The following EPS8L3 variants were observed in gnomAD, a reference collection of about 807,000 sequenced individuals.
EPS8L3 encodes the protein epidermal growth factor receptor kinase substrate 8-like protein 3.
In EPS8L3, 80 loss-of-function variants were observed where a neutral mutation model predicts 88.5. The observed-to-expected ratio is 0.90, with a 90% CI of 0.75 to 1.09. EPS8L3 has a LOEUF of 1.09. EPS8L3 is among the 50% of genes least tolerant of loss of function. EPS8L3 has a pLI of 0.00. For synonymous variants in EPS8L3, 286 were observed against 291.0 expected, an observed-to-expected ratio of 0.98 and a Z score of 0.18; for missense variants, 721 against 735.2, an observed-to-expected ratio of 0.98 and a Z score of 0.22.
intron 16 of EPS8L3, 79 bp downstream of exon 16, chr1:109,751,575 T>G (rs1465025404): frequency 1.3e-6 from 2 of 1,597,368 alleles, no homozygotes; most frequent in Admixed American, 3.4e-5. Flanking sequence ...GACTATCTCC[T>G]CTGCTTGCCA....
At chr1:109,757,435 G>T in intron 11 of EPS8L3, 46 bp downstream of exon 11, 1 of 1,557,128 alleles carries the variant, frequency 6.4e-7, no homozygotes, top group South Asian at 1.1e-5. Flanking sequence ...ACTCCTTCTT[G>T]ACTTCAGCCT....
At chr1:109,757,380 G>T in intron 11 of EPS8L3, 101 bp downstream of exon 11, 1 of 1,243,380 alleles carries the variant, frequency 8.0e-7, no homozygotes, top group Non-Finnish European at 1.2e-6. Flanking sequence ...TTCCACCCTG[G>T]CCCCTGCTCC....
At chr1:109,752,592 G>T (rs1194316223) in intron 14 of EPS8L3, 94 bp downstream of exon 14, 2 of 1,188,810 alleles carry the variant, frequency 1.7e-6, no homozygotes, top group Non-Finnish European at 2.4e-6. Context: ...GACCCTCTTG[G>T]CTCTCTTAAG....
chr1:109,758,110 A>G (rs756615078), intron 8 of EPS8L3, 52 bp from the exon 9 acceptor site: 25 of 1,518,058 alleles, frequency 1.6e-5, no homozygotes, highest in Non-Finnish European at 1.3e-5. Context: ...CCCACCCTGG[A>G]ACTCCCCACA....
chr1:109,758,351 G>A lies in EPS8L3; in HGVS notation c.682C>T (p.Arg228Trp), dbSNP rs751313141. ...TCTGGGTCCTCGGGGGAAGAGGACC[G>A]CCTTGGAGGAGGCAGAGTAAAGGCA... ...PSAFTLPPPR[R>W]SSSPEDPERD... Residue 228 changes from arginine to tryptophan, a missense_variant, in exon 8 of 19, where the codon CGG becomes TGG. Arg to Trp is a moderately radical substitution (Grantham distance 101). Transcript: ENST00000361965. 7.7e-5 allele frequency: 125 copies of A among 1,613,500 alleles called. No individual in the cohort carries two copies. Among genetic ancestry groups the A allele is most frequent in the Non-Finnish European group, 9.2e-5 (109 of 1,179,870 alleles).
At position 109,750,708 on chromosome 1, in the gene EPS8L3, C is replaced by G. The variant is rs573771578; in HGVS notation, c.1722G>C (p.Glu574Asp). The G allele has an allele frequency of 2.5e-6, 4 of 1,614,216 alleles. No individual in the cohort carries two copies. The highest frequency in any genetic ancestry group is 3.4e-6 in the Non-Finnish European group (4 of 1,180,040). Residue 574 changes from glutamate (E) to aspartate (D), a missense_variant, in exon 18 of 19, where the codon GAG (glutamate) becomes GAC (aspartate). Coordinates refer to ENST00000361965, the MANE Select transcript of EPS8L3 (RefSeq NM_133181.4). ...PGELQMLCPQ[E>D]APRILSRLEA... ...CCAGCCGGGACAGGATTCGTGGGGCCTCCTGTGGACATAGCATCTGTAGCT... is the reference window on the plus strand; with the variant it reads ...CCAGCCGGGACAGGATTCGTGGGGCGTCCTGTGGACATAGCATCTGTAGCT...
Position 109,750,699 on chromosome 1 carries a change from T to G in EPS8L3, c.1731A>C (p.Arg577=). Residue 577 remains arginine, a synonymous_variant, in exon 18 of 19, where the codon CGA becomes CGC. Coordinates refer to ENST00000361965, the MANE Select transcript of EPS8L3 (RefSeq NM_133181.4). ...TGACAGCCTCCAGCCGGGACAGGAT[T>G]CGTGGGGCCTCCTGTGGACATAGCA... ...LQMLCPQEAP[R]ILSRLEAVRR... is the part of the protein sequence containing the mutation. 1 of 1,614,162 alleles carries G rather than the reference T, an allele frequency of 6.2e-7. No individual in the cohort carries two copies. The highest frequency in any genetic ancestry group is 8.5e-7 in the Non-Finnish European group (1 of 1,180,014).
At position 109,751,359 on chromosome 1, in the gene EPS8L3, CAG is replaced by C. The variant is rs571055447; in HGVS notation, c.1564-10_1564-9del. 89 of 1,612,924 alleles carry C rather than the reference CAG, an allele frequency of 5.5e-5. 2 individuals carry two copies. In the South Asian group the frequency reaches 6.8e-4, roughly 12 times the overall value. ...AAGTCGAAGCATTGGAACCTAGAAT[CAG>C]GGGGAACCAGGGATCAGAGTCCATC... On this transcript the variant is annotated splice_polypyrimidine_tract_variant and intron_variant, in intron 16 of 18. Transcript: ENST00000361965.
At chr1:109,761,134 A>G (rs1393776601) in intron 3 of EPS8L3, 2 of 226,408 alleles carry the variant, frequency 8.8e-6, no homozygotes, top group Admixed American at 9.7e-5. Context: ...GCAATGGAGC[A>G]GTGCCCTGGG....
chr1:109,752,197 A>G lies in EPS8L3; in HGVS notation c.1236-4T>C. 1.9e-6 allele frequency: 3 copies of G among 1,609,446 alleles called. No homozygotes were observed. The highest frequency in any genetic ancestry group is 2.5e-6 in the Non-Finnish European group (3 of 1,177,076). ...CCCTAACCTATGACTTCCCCGCCTA[A>G]GAAACAGAGTCAGGATGGCTGGAGA... On this transcript the variant is annotated splice_polypyrimidine_tract_variant and splice_region_variant and intron_variant, in intron 14 of 18. Coordinates refer to ENST00000361965, the MANE Select transcript of EPS8L3 (RefSeq NM_133181.4).
intron 18 of EPS8L3, 81 bp from the exon 19 acceptor site, chr1:109,750,483 C>T (rs1649676869): frequency 1.3e-6 from 2 of 1,598,012 alleles, no homozygotes; most frequent in Non-Finnish European, 1.7e-6. Context: ...AGCTTGGAGC[C>T]TCAAGGTAAG....
intron 16 of EPS8L3, 101 bp downstream of exon 16, chr1:109,751,553 G>A (rs1313744875): frequency 2.9e-5 from 45 of 1,560,726 alleles, no homozygotes; most frequent in South Asian, 2.0e-4. Context: ...AATACGGTCC[G>A]AATCAAACCA....
intron 1 of EPS8L3, among the ~76,000 whole-genome samples, chr1:109,762,145 T>C (rs1651043527): frequency 6.6e-6 from 1 of 152,118 alleles, no homozygotes; most frequent in African/African-American, 2.4e-5. Context: ...GTATGAAAGA[T>C]GCTGGATGAG....
At chr1:109,752,284 C>T (rs2101409045) in intron 14 of EPS8L3, 91 bp from the exon 15 acceptor site, 1 of 1,292,414 alleles carries the variant, frequency 7.7e-7, no homozygotes, top group Admixed American at 2.1e-5. Context: ...TATCTCCGGC[C>T]TGCAGTCTGA....
rs61788120 is a variant in EPS8L3, at chr1:109,757,043, C to T, written c.1092G>A (p.Gly364=). 5.0e-5 allele frequency: 80 copies of T among 1,614,084 alleles called. No homozygotes were observed. The highest frequency in any genetic ancestry group is 6.2e-5 in the Non-Finnish European group (73 of 1,180,038). ...LSPPESNLWM[G]LGPAWTTSRA... ...GGCTAGTGGTCCAGGCTGGGCCCAACCCCATCCAAAGGTTACTCTCAGGTG... is the reference window on the plus strand; with the variant it reads ...GGCTAGTGGTCCAGGCTGGGCCCAATCCCATCCAAAGGTTACTCTCAGGTG... The change falls in exon 12 of 19, where the codon GGG becomes GGA. Residue 364 remains glycine (G), a synonymous_variant. Coordinates refer to ENST00000361965, the MANE Select transcript of EPS8L3 (RefSeq NM_133181.4).
At position 109,753,148 on chromosome 1, in the gene EPS8L3, T is replaced by A; in HGVS notation, c.1169A>T (p.Asp390Val). 2 of 1,613,596 alleles carry A rather than the reference T, an allele frequency of 1.2e-6. No individual in the cohort carries two copies. Among genetic ancestry groups the A allele is most frequent in the Non-Finnish European group, 1.7e-6 (2 of 1,179,812 alleles). The change falls in exon 13 of 19, where the codon GAT becomes GTT. Residue 390 changes from aspartate (D) to valine (V), a missense_variant. Asp to Val is a radical substitution (Grantham distance 152). Transcript: ENST00000361965. Reference sequence around the variant, plus strand: ...GGAGGGCTCTGGAAGTTGCCAGTCATCTGAGAATGTGGGTTGGTAGGGCAG... The same window carrying A: ...GGAGGGCTCTGGAAGTTGCCAGTCAACTGAGAATGTGGGTTGGTAGGGCAG... Reference protein sequence around the residue: ...EPLPYQPTFSDDWQLPEPSSQ... With the variant: ...EPLPYQPTFSVDWQLPEPSSQ...
chr1:109,751,124 C>T (rs1274349725), intron 17 of EPS8L3, among the ~76,000 whole-genome samples, 154 bp downstream of exon 17: 1 of 152,212 alleles, frequency 6.6e-6, no homozygotes, highest in African/African-American at 2.4e-5. Flanking sequence ...TAGGCTTGGA[C>T]ACGCCTCTGC....
At chr1:109,758,275 G>A (rs750418134) in intron 8 of EPS8L3, 41 bp downstream of exon 8, 2 of 1,563,426 alleles carry the variant, frequency 1.3e-6, no homozygotes, top group Non-Finnish European at 1.8e-6. Context: ...CTTTTCCCAG[G>A]CCCAGAAAGC....
intron 14 of EPS8L3, 179 bp from the exon 15 acceptor site, chr1:109,752,372 A>C: frequency 1.6e-6 from 1 of 641,422 alleles, no homozygotes; most frequent in Admixed American, 3.0e-5. Context: ...GAGGGGTCTG[A>C]AATGTCATTG....
Sources: gnomAD v4.1 joint callset for allele counts (sites outside exome capture counted in the v4.1 genomes callset) on GRCh38, gnomAD v4.1.1 for gene constraint, MANE v1.5 for transcripts, NCBI Gene and HGNC (gene_info 2026-07-23, HGNC 2026-07-21) for gene names.